The following RHOU variants were observed in gnomAD, a reference collection of about 807,000 sequenced individuals.
The protein encoded by RHOU is rho-related GTP-binding protein RhoU.
Under a neutral mutation model 12.6 loss-of-function variants are expected in RHOU, and 8 were observed. The ratio of observed to expected loss-of-function variants is 0.64; its 90% CI spans 0.37 to 1.15. RHOU has a LOEUF of 1.15. RHOU is among the 50% of genes most tolerant of loss of function. The pLI, the probability that RHOU is intolerant of heterozygous loss-of-function variation, is 0.01. For synonymous variants in RHOU, 161 were observed against 147.4 expected (o/e 1.09, Z -0.67); for missense variants, 258 against 347.0 (o/e 0.74, Z 2.04).
chr1:228,691,014 G>A, the RHOU span, among the ~76,000 whole-genome samples: 13 of 152,206 alleles, frequency 8.5e-5, no homozygotes, highest in East Asian at 1.9e-3. Flanking sequence ...GGGAGGAAAC[G>A]ACTTAACTCA....
chr1:228,665,158 A>T, the RHOU span, among the ~76,000 whole-genome samples: 2 of 152,238 alleles, frequency 1.3e-5, no homozygotes, highest in Non-Finnish European at 1.5e-5. Context: ...TCCAGGACCT[A>T]TGTTTTTATT....
At chr1:228,680,977 T>C in the RHOU span, among the ~76,000 whole-genome samples, 1 of 152,188 alleles carries the variant, frequency 6.6e-6, no homozygotes, top group South Asian at 2.1e-4. Flanking sequence ...AGCCGGTGAT[T>C]ATCAGCGTGA....
chr1:228,682,715 A>G, the RHOU span, among the ~76,000 whole-genome samples: 1 of 152,242 alleles, frequency 6.6e-6, no homozygotes, highest in Non-Finnish European at 1.5e-5. Flanking sequence ...AGGCAGATCA[A>G]TAGAAACACA....
Position 228,738,020 on chromosome 1 carries a change from T to C in RHOU, c.321+289T>C, listed in dbSNP as rs146256177. Among the ~76,000 whole-genome samples, 210 of 152,336 alleles carry C rather than the reference T, an allele frequency of 1.4e-3. 1 individual carries two copies. Among genetic ancestry groups the C allele is most frequent in the African/African-American group, 4.8e-3 (198 of 41,568 alleles). On this transcript the variant is annotated intron_variant, in intron 2 of 2. Transcript: ENST00000366691. The surrounding 1 kb of genome is among the most constrained non-coding windows in gnomAD (Gnocchi z 4.2). ...CAGCTCTTGTAGGAGTTTCTATTAC[T>C]TACTCCCTGGTTTTTATGAAAAAAT...
At chr1:228,742,916 G>A (rs4641285) in intron 2 of RHOU, among the ~76,000 whole-genome samples, 23,514 of 152,132 alleles carry the variant, frequency 0.15, 2,055 homozygotes, top group South Asian at 0.22. Context: ...AGTACCAAGA[G>A]TTGAGAGTAG....
the RHOU span, among the ~76,000 whole-genome samples, chr1:228,707,255 AGTGTGTGTGTGTG>A: frequency 7.4e-5 from 3 of 40,708 alleles, no homozygotes; most frequent in Admixed American, 9.1e-4. Context: ...ATATATATAT[AGTGTGTGTGTGTG>A]TGTGTGTGTG....
the RHOU span, chr1:228,687,962 C>G: frequency 1.5e-6 from 1 of 662,244 alleles, no homozygotes; most frequent in Non-Finnish European, 2.7e-6. Context: ...TTCCTTCTGT[C>G]CTTCCTCCCT....
chr1:228,724,325 A>G, the RHOU span, among the ~76,000 whole-genome samples: 3 of 152,162 alleles, frequency 2.0e-5, no homozygotes, highest in South Asian at 2.1e-4. Context: ...GTTCCCCCCC[A>G]GATTTATTCA....
At chr1:228,647,346 C>G in the RHOU span, among the ~76,000 whole-genome samples, 2 of 152,202 alleles carry the variant, frequency 1.3e-5, no homozygotes, top group African/African-American at 4.8e-5. Flanking sequence ...GTGCGCCCGC[C>G]CTTTTGGCGG....
chr1:228,646,942 G>A, the RHOU span, among the ~76,000 whole-genome samples: 1 of 152,114 alleles, frequency 6.6e-6, no homozygotes, highest in Non-Finnish European at 1.5e-5. Flanking sequence ...TAAAGAGAGA[G>A]AGGCTAAGAG....
the RHOU span, among the ~76,000 whole-genome samples, chr1:228,655,964 G>C: frequency 6.6e-6 from 1 of 152,196 alleles, no homozygotes; most frequent in Non-Finnish European, 1.5e-5. Flanking sequence ...AAAAAATACT[G>C]TGAAGACATC....
the RHOU span, among the ~76,000 whole-genome samples, chr1:228,725,209 G>A: frequency 6.6e-6 from 1 of 152,134 alleles, no homozygotes; most frequent in East Asian, 1.9e-4. Context: ...CTGCACCCTG[G>A]AGTCCCAAAG....
the RHOU span, among the ~76,000 whole-genome samples, chr1:228,657,998 T>A: frequency 6.6e-6 from 1 of 152,104 alleles, no homozygotes. Context: ...AGGTGGACAG[T>A]GGCCTGGGGT....
At chr1:228,687,895 A>C in the RHOU span, 76 of 834,542 alleles carry the variant, frequency 9.1e-5, no homozygotes, top group South Asian at 9.9e-4. Context: ...TCCCTTTCTA[A>C]CATATTGTTC....
chr1:228,684,859 G>T, the RHOU span, among the ~76,000 whole-genome samples: 3 of 152,106 alleles, frequency 2.0e-5, no homozygotes, highest in African/African-American at 7.2e-5. Flanking sequence ...GACCCTAAGA[G>T]AGTGTTCTTG....
the RHOU span, among the ~76,000 whole-genome samples, chr1:228,712,554 G>T: frequency 2.0e-5 from 3 of 150,212 alleles, no homozygotes; most frequent in Non-Finnish European, 3.0e-5. Context: ...GTAAACTATC[G>T]CAAGAACAAA....
At chr1:228,654,921 T>C in the RHOU span, among the ~76,000 whole-genome samples, 1 of 152,186 alleles carries the variant, frequency 6.6e-6, no homozygotes, top group Non-Finnish European at 1.5e-5. Context: ...GTGCTGTACC[T>C]GAACAATTTT....
chr1:228,711,487 C>A, the RHOU span, among the ~76,000 whole-genome samples: 1 of 151,948 alleles, frequency 6.6e-6, no homozygotes, highest in African/African-American at 2.4e-5. Context: ...CAGAACAGAG[C>A]CCTCAGAAAT....
intron 2 of RHOU, among the ~76,000 whole-genome samples, chr1:228,740,982 A>T (rs554737974): frequency 6.6e-6 from 1 of 152,328 alleles, no homozygotes; most frequent in African/African-American, 2.4e-5. Flanking sequence ...TACCTTTGGC[A>T]TAAGAGAAAA....
Sources: gnomAD v4.1 joint callset for allele counts (sites outside exome capture counted in the v4.1 genomes callset) on GRCh38, gnomAD v4.1.1 for gene constraint, Gnocchi (gnomAD v3.1) non-coding constraint, MANE v1.5 for transcripts, NCBI Gene and HGNC (gene_info 2026-07-23, HGNC 2026-07-21) for gene names.